The following TNFSF4 variants were observed in gnomAD, a reference collection of about 807,000 sequenced individuals.
The protein encoded by TNFSF4 is tumor necrosis factor ligand superfamily member 4.
Under a neutral mutation model 7.3 loss-of-function variants are expected in TNFSF4, and 4 were observed. That is an observed-to-expected ratio of 0.55 (90% CI 0.27 to 1.25). The LOEUF is 1.25. Ranked by LOEUF, TNFSF4 falls within the 50% of genes most tolerant of loss-of-function variation. The pLI is 0.12. For missense variants in TNFSF4, 181 were observed against 208.8 expected (o/e 0.87, Z 0.82); for synonymous variants, 76 against 83.7 (o/e 0.91, Z 0.50).
chr1:173,312,201 C>G, the TNFSF4 span, among the ~76,000 whole-genome samples: 2 of 151,996 alleles, frequency 1.3e-5, no homozygotes, highest in Admixed American at 1.3e-4. Flanking sequence ...GATTTACAAC[C>G]CACTAGCAAC....
the TNFSF4 span, among the ~76,000 whole-genome samples, chr1:173,239,502 TTC>T: frequency 6.6e-6 from 1 of 152,196 alleles, no homozygotes; most frequent in Admixed American, 6.5e-5. Flanking sequence ...TTTCAATATG[TTC>T]TGTCACTTTT....
chr1:173,297,980 C>T, the TNFSF4 span, among the ~76,000 whole-genome samples: 425 of 151,994 alleles, frequency 2.8e-3, 2 homozygotes, highest in Non-Finnish European at 4.6e-3. Flanking sequence ...TCAAAGGCAA[C>T]GTTTCCGATG....
At chr1:173,247,628 AT>A in the TNFSF4 span, among the ~76,000 whole-genome samples, 2 of 151,822 alleles carry the variant, frequency 1.3e-5, no homozygotes, top group African/African-American at 2.4e-5. Context: ...GGCATTTTTT[AT>A]TTTTTTTGTT....
chr1:173,370,893 G>A, the TNFSF4 span, among the ~76,000 whole-genome samples: 1 of 152,220 alleles, frequency 6.6e-6, no homozygotes, highest in East Asian at 1.9e-4. Flanking sequence ...CTTGTTATCA[G>A]TGTGGTTTAC....
chr1:173,201,828 T>C (rs1649953881), intron 1 of TNFSF4, among the ~76,000 whole-genome samples: 1 of 152,096 alleles, frequency 6.6e-6, no homozygotes, highest in Non-Finnish European at 1.5e-5. Flanking sequence ...GAAAATTCAG[T>C]TTCAATCCAA....
the TNFSF4 span, among the ~76,000 whole-genome samples, chr1:173,282,307 A>G: frequency 6.6e-6 from 1 of 152,246 alleles, no homozygotes; most frequent in East Asian, 1.9e-4. Flanking sequence ...TATGCACCCC[A>G]TAAGTATGTA....
chr1:173,327,348 T>G, the TNFSF4 span, among the ~76,000 whole-genome samples: 1 of 152,098 alleles, frequency 6.6e-6, no homozygotes, highest in African/African-American at 2.4e-5. Context: ...ATACAAAAAT[T>G]AATTCAAGAT....
the TNFSF4 span, among the ~76,000 whole-genome samples, chr1:173,245,858 T>C: frequency 6.6e-6 from 1 of 152,254 alleles, no homozygotes; most frequent in Non-Finnish European, 1.5e-5. Flanking sequence ...TTTCTGTGCC[T>C]GGTTTATTCC....
upstream of TNFSF4, among the ~76,000 whole-genome samples, chr1:173,207,806 G>A (rs1467384859): frequency 1.3e-5 from 2 of 152,154 alleles, no homozygotes; most frequent in African/African-American, 2.4e-5. Flanking sequence ...CAGAAGTAAA[G>A]GAGAGATCCT....
the TNFSF4 span, among the ~76,000 whole-genome samples, chr1:173,268,720 G>C: frequency 1.3e-5 from 2 of 151,964 alleles, no homozygotes; most frequent in African/African-American, 4.8e-5. Context: ...ACTCAATCCA[G>C]CTATATACTG....
the TNFSF4 span, among the ~76,000 whole-genome samples, chr1:173,176,402 A>C: frequency 6.6e-6 from 1 of 152,318 alleles, no homozygotes; most frequent in Non-Finnish European, 1.5e-5. Flanking sequence ...TGGACTCTGA[A>C]ATCAAAACCG....
At chr1:173,242,368 G>C in the TNFSF4 span, among the ~76,000 whole-genome samples, 5 of 152,160 alleles carry the variant, frequency 3.3e-5, no homozygotes, top group Admixed American at 3.3e-4. Context: ...AGGCAGGACA[G>C]AGGAAACAGA....
the TNFSF4 span, among the ~76,000 whole-genome samples, chr1:173,302,711 C>T: frequency 6.6e-6 from 1 of 150,920 alleles, no homozygotes; most frequent in Non-Finnish European, 1.5e-5. Context: ...AACTAAAAAT[C>T]ACTTAATCAT....
the TNFSF4 span, among the ~76,000 whole-genome samples, chr1:173,327,755 G>A: frequency 6.6e-6 from 1 of 152,192 alleles, no homozygotes; most frequent in Non-Finnish European, 1.5e-5. Flanking sequence ...ATGAAAAAAT[G>A]CCCATCATCA....
the TNFSF4 span, among the ~76,000 whole-genome samples, chr1:173,250,689 G>C: frequency 6.6e-6 from 1 of 152,112 alleles, no homozygotes; most frequent in African/African-American, 2.4e-5. Flanking sequence ...TCGATCTTCT[G>C]ACCTCGTGAT....
the TNFSF4 span, among the ~76,000 whole-genome samples, chr1:173,446,548 G>C: frequency 6.6e-6 from 1 of 152,172 alleles, no homozygotes; most frequent in Non-Finnish European, 1.5e-5. Context: ...GTGTCTGTGA[G>C]GGTGTTGCCA....
the TNFSF4 span, among the ~76,000 whole-genome samples, chr1:173,290,221 G>A: frequency 6.6e-6 from 1 of 152,096 alleles, no homozygotes; most frequent in Non-Finnish European, 1.5e-5. Flanking sequence ...CATGATTGCA[G>A]GATCAAATTC....
At chr1:173,330,345 A>G in the TNFSF4 span, among the ~76,000 whole-genome samples, 2 of 150,904 alleles carry the variant, frequency 1.3e-5, no homozygotes, top group Non-Finnish European at 3.0e-5. Flanking sequence ...ATTGTTATAT[A>G]TGTTTTGTTA....
chr1:173,383,773 A>C, the TNFSF4 span, among the ~76,000 whole-genome samples: 1 of 152,202 alleles, frequency 6.6e-6, no homozygotes. Flanking sequence ...ACAGGGGCAG[A>C]GATTCAAGTC....
Sources: gnomAD v4.1 joint callset for allele counts (sites outside exome capture counted in the v4.1 genomes callset) on GRCh38, gnomAD v4.1.1 for gene constraint, MANE v1.5 for transcripts, NCBI Gene and HGNC (gene_info 2026-07-23, HGNC 2026-07-21) for gene names.